Variants in KLKB1 observed in about 807,000 individuals in gnomAD.
KLKB1 encodes the protein kallikrein B1.
Under a neutral mutation model 73.6 loss-of-function variants are expected in KLKB1, and 58 were observed. The ratio of observed to expected loss-of-function variants is 0.79; its 90% CI spans 0.64 to 0.98. The LOEUF is 0.98. Ranked by LOEUF, KLKB1 falls within the 50% of genes least tolerant of loss-of-function variation. KLKB1 has a pLI of 0.00. For synonymous variants in KLKB1, 280 were observed against 258.1 expected, an observed-to-expected ratio of 1.08 and a Z score of -0.81; for missense variants, 737 against 763.8, an observed-to-expected ratio of 0.96 and a Z score of 0.41.
At position 186,257,744 on chromosome 4, in the gene KLKB1, A is replaced by AGTGTGTGTGTGT. The variant is rs67371055; in HGVS notation, c.1726-252_1726-241dup. 4.0e-3 allele frequency among the ~76,000 whole-genome samples: 590 copies of AGTGTGTGTGTGT among 147,190 alleles called. 7 individuals carry two copies. Among genetic ancestry groups the AGTGTGTGTGTGT allele is most frequent in the African/African-American group, 0.013 (530 of 39,684 alleles). On this transcript the variant is annotated intron_variant, in intron 14 of 14. Transcript: ENST00000264690. Reference sequence around the variant, plus strand: ...ACTTGGAGAACTTTAAGAAAGAGTGAGTGTGTGTGTGTGTGTGTGTGTGTG... The same window carrying AGTGTGTGTGTGT: ...ACTTGGAGAACTTTAAGAAAGAGTGAGTGTGTGTGTGTGTGTGTGTGTGTGTGTGTGTGTGTG...
At chr4:186,212,881 A>G (rs1736773749) in intron 2 of KLKB1, 1 of 152,214 alleles carries the variant, frequency 6.6e-6, no homozygotes, top group South Asian at 2.1e-4. Flanking sequence ...GTTGATGAAG[A>G]AAAAGTCAAG....
chr4:186,236,606 G>C (rs1737701612), intron 4 of KLKB1, among the ~76,000 whole-genome samples, 175 bp from the exon 5 acceptor site: 1 of 152,146 alleles, frequency 6.6e-6, no homozygotes, highest in South Asian at 2.1e-4. Context: ...TTTACTTCAA[G>C]CAGAGTTCGA....
intron 2 of KLKB1, among the ~76,000 whole-genome samples, chr4:186,219,893 C>A (rs187830071): frequency 9.9e-5 from 15 of 152,210 alleles, no homozygotes; most frequent in African/African-American, 3.6e-4. Flanking sequence ...CTCTTCCTTA[C>A]CTCCACTGTG....
In KLKB1 at chr4:186,233,983, G is replaced by A; in HGVS notation, c.253G>A (p.Gly85Arg). The A allele has an allele frequency of 6.2e-7, 1 of 1,614,046 alleles. No individual in the cohort carries two copies. The highest frequency in any genetic ancestry group is 8.5e-7 in the Non-Finnish European group (1 of 1,179,948). The stretch of plus-strand genomic sequence containing the variant: ...TTGCTTCTTGAAAGATAGTGTTACA[G>A]GAACCCTGCCAAAAGTACATCGAAC... ...FGCFLKDSVT[G>R]TLPKVHRTGA... Residue 85 changes from glycine (G) to arginine (R), a missense_variant, in exon 4 of 15, where the codon GGA becomes AGA. Gly to Arg is a moderately radical substitution (Grantham distance 125, BLOSUM62 -2). Transcript: ENST00000264690.
chr4:186,217,148 A>C (rs1171412840), intron 2 of KLKB1, among the ~76,000 whole-genome samples: 2 of 152,214 alleles, frequency 1.3e-5, no homozygotes. Context: ...AGAATGTAAC[A>C]TGTTTCACTG....
At chr4:186,235,991 G>T (rs1561452425) in intron 4 of KLKB1, among the ~76,000 whole-genome samples, 1 of 151,818 alleles carries the variant, frequency 6.6e-6, no homozygotes, top group Non-Finnish European at 1.5e-5. Flanking sequence ...GCGCGCGCCT[G>T]TAGTCCCAGC....
chr4:186,232,190 C>T lies in KLKB1; in HGVS notation c.122C>T (p.Thr41Ile), dbSNP rs746053973. The change falls in exon 3 of 15, where the codon ACC (threonine) becomes ATC (isoleucine). Residue 41 changes from threonine (T) to isoleucine (I), a missense_variant. Coordinates refer to ENST00000264690, the MANE Select transcript of KLKB1 (RefSeq NM_000892.5). Reference sequence around the variant, plus strand: ...GGTGGGGATGTAGCTTCCATGTACACCCCAAATGCCCAATACTGCCAGATG... The same window carrying T: ...GGTGGGGATGTAGCTTCCATGTACATCCCAAATGCCCAATACTGCCAGATG... ...FRGGDVASMYTPNAQYCQMRC... is the reference protein window; with the variant it reads ...FRGGDVASMYIPNAQYCQMRC... 21 of 1,613,734 alleles carry T rather than the reference C, an allele frequency of 1.3e-5. No homozygotes were observed. In the East Asian group the frequency reaches 3.6e-4, roughly 27 times the overall value.
Position 186,236,787 on chromosome 4 carries a change from A to C in KLKB1, c.335A>C (p.His112Pro), listed in dbSNP as rs749710928. The C allele has an allele frequency of 1.1e-5, 18 of 1,614,076 alleles. No homozygotes were observed. The South Asian group carries it at 1.9e-4, about 17-fold the overall frequency. ...ATGTATTTTTCTTGTACAGCTTGCC[A>C]TCGAGACATTTATAAAGGAGTTGAT... ...KQCGHQISAC[H>P]RDIYKGVDMR... The change falls in exon 5 of 15, where the codon CAT (histidine) becomes CCT (proline). Residue 112 changes from histidine (H) to proline (P), a missense_variant. By Grantham distance (77) the His-to-Pro change is moderately conservative. Transcript: ENST00000264690.
intron 2 of KLKB1, chr4:186,228,970 G>A (rs1167086991): frequency 6.6e-6 from 1 of 152,076 alleles, no homozygotes; most frequent in South Asian, 2.1e-4. Context: ...CAGATGTATG[G>A]CTACAATAAA....
chr4:186,252,097 C>T lies in KLKB1; in HGVS notation c.1225C>T (p.Gln409Ter). 2 of 1,614,076 alleles carry T rather than the reference C, an allele frequency of 1.2e-6. No homozygotes were observed. Among genetic ancestry groups the T allele is most frequent in the Non-Finnish European group, 1.7e-6 (2 of 1,180,032 alleles). ...WGEWPWQVSL[Q>*]VKLTAQRHLC... ...AGAGTGGCCCTGGCAGGTGAGCCTG[C>T]AGGTGAAGCTGACAGCTCAGAGGCA... The change falls in exon 11 of 15, where the codon CAG becomes TAG. Residue 409 changes from glutamine to a stop codon, truncating the protein, a stop_gained. Coordinates refer to ENST00000264690, the MANE Select transcript of KLKB1 (RefSeq NM_000892.5). LOFTEE classifies it high-confidence loss of function.
At chr4:186,235,818 C>T (rs558425277) in intron 4 of KLKB1, among the ~76,000 whole-genome samples, 2 of 151,080 alleles carry the variant, frequency 1.3e-5, no homozygotes, top group African/African-American at 4.9e-5. Context: ...AAATTTGAAT[C>T]TTTAAAAAAA....
upstream of KLKB1, among the ~76,000 whole-genome samples, chr4:186,224,079 C>T (rs192109699): frequency 1.1e-4 from 17 of 152,372 alleles, no homozygotes; most frequent in South Asian, 4.1e-4. Flanking sequence ...GTGGCTTCCA[C>T]GTGCTCTTGG....
rs144553830 is a variant in KLKB1, at chr4:186,247,485, G to C, written c.599-2758G>C. ...GGAATTTCACAAGGTAACGTCATCAGTTAAGGCAGGAACCGGCCATTTTCA... is the reference window on the plus strand; with the variant it reads ...GGAATTTCACAAGGTAACGTCATCACTTAAGGCAGGAACCGGCCATTTTCA... On this transcript the variant is annotated intron_variant, in intron 6 of 14. Coordinates refer to ENST00000264690, the MANE Select transcript of KLKB1 (RefSeq NM_000892.5). Among the ~76,000 whole-genome samples, 230 of 152,306 alleles carry C rather than the reference G, an allele frequency of 1.5e-3. 2 individuals are homozygous for C. The highest frequency in any genetic ancestry group is 5.3e-3 in the African/African-American group (219 of 41,566).
chr4:186,226,066 A>G (rs1245396511), upstream of KLKB1, among the ~76,000 whole-genome samples: 1 of 151,762 alleles, frequency 6.6e-6, no homozygotes, highest in African/African-American at 2.4e-5. Flanking sequence ...GAATTTTTTC[A>G]ATTCAGTCAT....
chr4:186,248,579 T>G (rs945019030), intron 6 of KLKB1, among the ~76,000 whole-genome samples: 1 of 148,862 alleles, frequency 6.7e-6, no homozygotes, highest in African/African-American at 2.5e-5. Flanking sequence ...TTGATGAACA[T>G]TTGAGTTGTT....
intron 4 of KLKB1, among the ~76,000 whole-genome samples, chr4:186,236,086 C>A (rs576946919): frequency 2.9e-5 from 3 of 103,988 alleles, no homozygotes; most frequent in Non-Finnish European, 5.8e-5. Context: ...TGCGCTCCAG[C>A]CTGGGCGACA....
chr4:186,232,041 A>G, intron 2 of KLKB1, 86 bp from the exon 3 acceptor site: 3 of 1,057,988 alleles, frequency 2.8e-6, no homozygotes. Flanking sequence ...GTAGTCAGTC[A>G]GTGGGAGAAG....
intron 12 of KLKB1, among the ~76,000 whole-genome samples, chr4:186,255,334 G>A (rs1738942242): frequency 6.6e-6 from 1 of 152,178 alleles, no homozygotes; most frequent in African/African-American, 2.4e-5. Flanking sequence ...GCCCAGGTGG[G>A]AGGATTGCTT....
rs545866036 is a variant in KLKB1 at position 186,220,142 on chromosome 4, G to C, written c.201+10870G>C. On this transcript the variant is annotated intron_variant, in intron 2 of 14. Transcript: ENST00000511608. Reference sequence around the variant, plus strand: ...ATTGGGAACAGGAAGCAAAAATTTTGCTAGTGGATAGCTAGGGGTGATGGT... The same window carrying C: ...ATTGGGAACAGGAAGCAAAAATTTTCCTAGTGGATAGCTAGGGGTGATGGT... Among the ~76,000 whole-genome samples the C allele has an allele frequency of 3.9e-5, 6 of 152,112 alleles. No individual in the cohort carries two copies. In the South Asian group the frequency reaches 1.0e-3, roughly 26 times the overall value.
Sources: allele counts gnomAD v4.1 joint callset (sites outside exome capture counted in the v4.1 genomes callset), GRCh38; gene constraint gnomAD v4.1.1; transcripts MANE v1.5; gene names NCBI Gene and HGNC (gene_info 2026-07-23, HGNC 2026-07-21).